Variants in MCOLN1 observed in about 807,000 individuals in gnomAD.
The protein encoded by MCOLN1 is mucolipin-1.
A neutral mutation model predicts 70.3 loss-of-function variants in MCOLN1; 50 were observed. The observed-to-expected ratio is 0.71, with a 90% confidence interval of 0.57 to 0.90. The LOEUF (loss-of-function observed/expected upper bound fraction) is 0.90, where lower values mean the gene tolerates loss of function less well. MCOLN1 is among the 40% of genes least tolerant of loss of function. MCOLN1 has a pLI of 0.00. For synonymous variants in MCOLN1, 366 were observed against 341.0 expected, an observed-to-expected ratio of 1.07 and a Z score of -0.81; for missense variants, 598 against 803.5, an observed-to-expected ratio of 0.74 and a Z score of 3.09.
chr19:7,532,647 A>G (rs535557825), intron 12 of MCOLN1, among the ~76,000 whole-genome samples: 1 of 152,328 alleles, frequency 6.6e-6, no homozygotes, highest in East Asian at 1.9e-4. Flanking sequence ...CCTGGGACGT[A>G]GAGGTTGCAG....
Position 7,533,635 on chromosome 19 carries a change from T to A in MCOLN1, c.1688T>A (p.Leu563His), listed in dbSNP as rs1332257877. The change falls in exon 13 of 14, where the codon CTT (leucine) becomes CAT (histidine). Residue 563 changes from leucine (L) to histidine (H), a missense_variant. This residue lies in a region of MCOLN1 where 59 missense variants were observed against 58.8 expected (regional missense o/e 1.00). Coordinates refer to ENST00000264079, the MANE Select transcript of MCOLN1 (RefSeq NM_020533.3). ...FRRGSGSACSLLCCCGRDPSE... is the reference protein window; with the variant it reads ...FRRGSGSACSHLCCCGRDPSE... ...CGCGGGAGCGGCTCGGCCTGCAGCC[T>A]TCTCTGCTGCTGCGGAAGGTTCGAG... is the stretch of plus-strand genomic sequence containing the variant. 6.2e-7 allele frequency: 1 copy of A among 1,612,862 alleles called. No individual in the cohort carries two copies. Among genetic ancestry groups the A allele is most frequent in the Non-Finnish European group, 8.5e-7 (1 of 1,179,796 alleles).
At position 7,529,697 on chromosome 19, in the gene MCOLN1, G is replaced by C. The variant is rs1568399908; in HGVS notation, c.1344G>C (p.Gly448=). Residue 448 remains glycine, a synonymous_variant, in exon 11 of 14, where the codon GGG becomes GGC. Transcript: ENST00000264079. ...GYCFCGWIVL[G]PYHVKFRSLS... ...GCTTCTGTGGCTGGATCGTGCTGGG[G>C]CCCTATCATGTGAAGGTACATCTAA... 5 of 1,614,126 alleles carry C rather than the reference G, an allele frequency of 3.1e-6. No homozygotes were observed. In the Admixed American group the frequency reaches 8.3e-5, roughly 27 times the overall value.
Position 7,524,878 on chromosome 19 carries a change from G to A in MCOLN1, c.32-83G>A. 2.7e-6 allele frequency: 3 copies of A among 1,109,170 alleles called. No individual in the cohort carries two copies. The highest frequency in any genetic ancestry group is 4.1e-6 in the Non-Finnish European group (3 of 733,752). The allele number at this position is 1,109,170 out of a possible 1,614,324, so 68.7% of individuals were successfully genotyped here. ...AGGAGCATGGGGACATGAAGATAGG[G>A]CGTGTGCTGCCTTCCTGGTTGGAGA... is the stretch of plus-strand genomic sequence containing the variant. On this transcript the variant is annotated intron_variant, in intron 1 of 13. Transcript: ENST00000264079. The surrounding 1 kb of genome is among the most constrained non-coding windows in gnomAD (Gnocchi z 4.1).
In MCOLN1 at chr19:7,524,969, C is replaced by T. The variant is rs775040894; in HGVS notation, c.40C>T (p.Arg14Trp). 8.1e-6 allele frequency: 13 copies of T among 1,613,460 alleles called. No individual in the cohort carries two copies. The highest frequency in any genetic ancestry group is 3.3e-5 in the South Asian group (3 of 91,064). ...PAGPRGSETERLLTPNPGYGT... is the reference protein window; with the variant it reads ...PAGPRGSETEWLLTPNPGYGT... ...CTCTCCTATTCCCACAGAGACCGAGCGGCTTCTGACCCCCAACCCCGGGTA... is the reference window on the plus strand; with the variant it reads ...CTCTCCTATTCCCACAGAGACCGAGTGGCTTCTGACCCCCAACCCCGGGTA... Residue 14 changes from arginine (R) to tryptophan (W), a missense_variant, in exon 2 of 14, where the codon CGG (arginine) becomes TGG (tryptophan). By Grantham distance (101) the Arg-to-Trp change is moderately radical. Transcript: ENST00000264079. This position sits in a 1 kb window ranked among gnomAD's most constrained non-coding sequence, Gnocchi z 4.1.
chr19:7,529,525 G>A, intron 10 of MCOLN1, 65 bp from the exon 11 acceptor site: 1 of 723,210 alleles, frequency 1.4e-6, no homozygotes. Context: ...ACCCCCATCT[G>A]GGTGCCCACA....
At chr19:7,529,523 C>CCAAG in intron 10 of MCOLN1, 67 bp from the exon 11 acceptor site, 5 of 1,156,272 alleles carry the variant, frequency 4.3e-6, no homozygotes, top group African/African-American at 1.5e-5. Context: ...CCACCCCCAT[C>CCAAG]TGGGTGCCCA....
rs4520943 is a variant in MCOLN1, at chr19:7,530,188, A to G, written c.1360-98A>G. 316,641 of 1,104,656 alleles carry G rather than the reference A, an allele frequency of 0.29. 49,156 individuals carry two copies. The highest frequency in any genetic ancestry group is 0.51 in the Admixed American group (30,248 of 59,086). 68.4% of individuals were successfully genotyped at this position (1,104,656 alleles called of 1,614,324 possible). A position where few individuals can be genotyped will look rare whatever the true frequency, so the allele number is the denominator to read the frequency against. On this transcript the variant is annotated intron_variant, in intron 11 of 13. Coordinates refer to ENST00000264079, the MANE Select transcript of MCOLN1 (RefSeq NM_020533.3). ...CGGCCATTCATGTGGGGCCCCAGCC[A>G]CCAGCTCCTAGCCATTTGCATGGGA... is the stretch of plus-strand genomic sequence containing the variant.
chr19:7,525,099 G>T lies in MCOLN1; in HGVS notation c.170G>T (p.Arg57Leu). The T allele has an allele frequency of 6.2e-7, 1 of 1,614,086 alleles. No homozygotes were observed. ...TTCATGAGTCCCTGCGACAAGTTTC[G>T]AGCCAAGGGCCGCAAGCCCTGCAAG... ...YFFMSPCDKF[R>L]AKGRKPCKLM... is the part of the protein sequence containing the mutation. Residue 57 changes from arginine (R) to leucine (L), a missense_variant, in exon 2 of 14, where the codon CGA (arginine) becomes CTA (leucine). By Grantham distance (102) the Arg-to-Leu change is moderately radical (BLOSUM62 -2). Coordinates refer to ENST00000264079, the MANE Select transcript of MCOLN1 (RefSeq NM_020533.3). This position sits in a 1 kb window ranked among gnomAD's most constrained non-coding sequence, Gnocchi z 4.2.
Position 7,527,041 on chromosome 19 carries a change from G to A in MCOLN1, c.571+115G>A, listed in dbSNP as rs1752136221. On this transcript the variant is annotated intron_variant, in intron 4 of 13. Transcript: ENST00000264079. ...TATAATACCAGCACTTTGGGAGGCT[G>A]AGGAGGAAGGATTGCTTGAGGCCAG... 8.8e-6 allele frequency: 12 copies of A among 1,369,580 alleles called. No individual in the cohort carries two copies. In the South Asian group the frequency reaches 1.4e-4, roughly 16 times the overall value. The allele number at this position is 1,369,580 out of a possible 1,614,324, so 84.8% of individuals were successfully genotyped here. A position where few individuals can be genotyped will look rare whatever the true frequency, so the allele number is the denominator to read the frequency against.
Position 7,527,534 on chromosome 19 carries a change from G to C in MCOLN1, c.586G>C (p.Asp196His), listed in dbSNP as rs756501505. 2 of 1,547,776 alleles carry C rather than the reference G, an allele frequency of 1.3e-6. No homozygotes were observed. Among genetic ancestry groups the C allele is most frequent in the Non-Finnish European group, 1.8e-6 (2 of 1,119,250 alleles). ...PMVVTDCIQV[D>H]PPERPPPPPS... The stretch of plus-strand genomic sequence containing the variant: ...CCTGTCCTTAGACTGCATCCAGGTG[G>C]ATCCCCCCGAGCGGCCCCCTCCGCC... The change falls in exon 5 of 14, where the codon GAT becomes CAT. Residue 196 changes from aspartate to histidine, a missense_variant. Physicochemically the swap from Asp to His is moderately conservative, Grantham distance 81. Transcript: ENST00000264079.
intron 12 of MCOLN1, chr19:7,533,319 GA>G (rs1209527902): frequency 1.5e-6 from 1 of 645,820 alleles, no homozygotes; most frequent in African/African-American, 1.8e-5. Context: ...GACTGGCAAA[GA>G]CACAGCTTGT....
rs772927381 is a variant in MCOLN1 at position 7,529,141 on chromosome 19, C to G, written c.1175C>G (p.Thr392Ser). The change falls in exon 10 of 14, where the codon ACC becomes AGC. Residue 392 changes from threonine to serine, a missense_variant. Physicochemically the swap from Thr to Ser is moderately conservative, Grantham distance 58. Transcript: ENST00000264079. Reference sequence around the variant, plus strand: ...GACGTCTGCAGCATCCTCCTGGGCACCTCGACGCTGCTGGTGTGGGTGGGC... The same window carrying G: ...GACGTCTGCAGCATCCTCCTGGGCAGCTCGACGCTGCTGGTGTGGGTGGGC... Reference protein sequence around the residue: ...SYDVCSILLGTSTLLVWVGVI... With the variant: ...SYDVCSILLGSSTLLVWVGVI... The G allele has an allele frequency of 7.4e-6, 12 of 1,613,962 alleles. No individual in the cohort carries two copies. The highest frequency in any genetic ancestry group is 1.7e-6 in the Non-Finnish European group (2 of 1,180,026).
rs752629649 is a variant in MCOLN1 at position 7,533,663 on chromosome 19, C to T, written c.1706+10C>T. On this transcript the variant is annotated intron_variant, in intron 13 of 13. Coordinates refer to ENST00000264079, the MANE Select transcript of MCOLN1 (RefSeq NM_020533.3). ...TCTGCTGCTGCGGAAGGTTCGAGTCCCGGGTCTGGCACATTCAGATTGGAG... is the reference window on the plus strand; with the variant it reads ...TCTGCTGCTGCGGAAGGTTCGAGTCTCGGGTCTGGCACATTCAGATTGGAG... 3.1e-6 allele frequency: 5 copies of T among 1,613,938 alleles called. No homozygotes were observed. In the African/African-American group the frequency reaches 4.0e-5, roughly 13 times the overall value.
Position 7,526,496 on chromosome 19 carries a change from A to G in MCOLN1, c.295A>G (p.Ile99Val). ...LAVTFREENT[I>V]AFRHLFLLGY... ...TGTGACATTCCGGGAAGAGAACACC[A>G]TCGCCTTCCGACACCTCTTCCTGCT... is the stretch of plus-strand genomic sequence containing the variant. Residue 99 changes from isoleucine (I) to valine (V), a missense_variant, in exon 3 of 14, where the codon ATC (isoleucine) becomes GTC (valine). Physicochemically the swap from Ile to Val is conservative, Grantham distance 29 (BLOSUM62 3). Coordinates refer to ENST00000264079, the MANE Select transcript of MCOLN1 (RefSeq NM_020533.3). This position sits in a 1 kb window ranked among gnomAD's most constrained non-coding sequence, Gnocchi z 4.6. 1.9e-6 allele frequency: 3 copies of G among 1,614,200 alleles called. No individual in the cohort carries two copies. Among genetic ancestry groups the G allele is most frequent in the Non-Finnish European group, 2.5e-6 (3 of 1,180,036 alleles).
Position 7,525,182 on chromosome 19 carries a change from C to T in MCOLN1, c.237+16C>T, listed in dbSNP as rs1323384246. ...CACGGTGCAGGTGAGGCCAGCCAAG[C>T]AGGGGCCCCAGCTGAAGGCCACCTG... On this transcript the variant is annotated intron_variant, in intron 2 of 13. Transcript: ENST00000264079. The surrounding 1 kb of genome is among the most constrained non-coding windows in gnomAD (Gnocchi z 4.2). 1.2e-6 allele frequency: 2 copies of T among 1,612,726 alleles called. No homozygotes were observed. Among genetic ancestry groups the T allele is most frequent in the East Asian group, 4.5e-5 (2 of 44,872 alleles).
Position 7,533,510 on chromosome 19 carries a change from C to G in MCOLN1, c.1576-13C>G. The G allele has an allele frequency of 1.2e-6, 2 of 1,610,500 alleles. No individual in the cohort carries two copies. The highest frequency in any genetic ancestry group is 1.7e-6 in the Non-Finnish European group (2 of 1,179,564). The stretch of plus-strand genomic sequence containing the variant: ...GCCACTTTCAGGCTGAGCCTCCCGG[C>G]TTCTCTCCCCAGCATCCCGGCGGCG... On this transcript the variant is annotated splice_polypyrimidine_tract_variant and intron_variant, in intron 12 of 13. Transcript: ENST00000264079.
intron 9 of MCOLN1, 53 bp from the exon 10 acceptor site, chr19:7,529,048 G>C (rs898006648): frequency 6.2e-7 from 1 of 1,613,058 alleles, no homozygotes; most frequent in South Asian, 1.1e-5. Context: ...CCTCCCCCAG[G>C]CCCCCCAAAG....
intron 12 of MCOLN1, 184 bp from the exon 13 acceptor site, chr19:7,533,339 T>A: frequency 1.4e-6 from 1 of 699,850 alleles, no homozygotes; most frequent in Non-Finnish European, 2.4e-6. Context: ...GTATCCAGGT[T>A]CAGGGGTCAG....
chr19:7,528,552 G>A lies in MCOLN1; in HGVS notation c.878-45G>A, dbSNP rs1297870064. On this transcript the variant is annotated intron_variant, in intron 7 of 13. Coordinates refer to ENST00000264079, the MANE Select transcript of MCOLN1 (RefSeq NM_020533.3). The surrounding 1 kb of genome is among the most constrained non-coding windows in gnomAD (Gnocchi z 4.2). ...CCTGGCACCAATGCTAGCCTCCCAAGGCTCCATGCCATCCTTGGCCCTACC... is the reference window on the plus strand; with the variant it reads ...CCTGGCACCAATGCTAGCCTCCCAAAGCTCCATGCCATCCTTGGCCCTACC... The A allele has an allele frequency of 6.2e-7, 1 of 1,612,212 alleles. No homozygotes were observed. The highest frequency in any genetic ancestry group is 8.5e-7 in the Non-Finnish European group (1 of 1,179,552).
Sources: allele counts gnomAD v4.1 joint callset (sites outside exome capture counted in the v4.1 genomes callset), GRCh38; gene constraint gnomAD v4.1.1; regional missense constraint gnomAD v4.1.1; non-coding constraint Gnocchi (gnomAD v3.1); transcripts MANE v1.5; gene names NCBI Gene and HGNC (gene_info 2026-07-23, HGNC 2026-07-21).